METTL16: variants seen among roughly 807,000 people sequenced by gnomAD.
The protein encoded by METTL16 is methyltransferase 16, RNA N6-adenosine.
In METTL16, 19 loss-of-function variants were observed where a neutral mutation model predicts 57.9. The ratio of observed to expected loss-of-function variants is 0.33; its 90% confidence interval spans 0.23 to 0.48. METTL16 has a LOEUF of 0.48. Ranked by LOEUF, METTL16 falls within the 20% of genes least tolerant of loss-of-function variation. METTL16 has a pLI of 0.99. For missense variants in METTL16, 434 were observed against 691.5 expected, an observed-to-expected ratio of 0.63 and a Z score of 4.18; for synonymous variants, 246 against 255.6, an observed-to-expected ratio of 0.96 and a Z score of 0.36.
intron 6 of METTL16, among the ~76,000 whole-genome samples, chr17:2,450,643 C>T (rs1164700126): frequency 1.3e-5 from 2 of 152,118 alleles, no homozygotes; most frequent in Non-Finnish European, 2.9e-5. Flanking sequence ...TTAACCATAT[C>T]GTAACGTTTT....
intron 6 of METTL16, among the ~76,000 whole-genome samples, chr17:2,463,377 C>T (rs2067164623): frequency 6.6e-6 from 1 of 152,208 alleles, no homozygotes; most frequent in Non-Finnish European, 1.5e-5. Flanking sequence ...ACAGTAAACA[C>T]TAATCAATTA....
chr17:2,505,395 A>T (rs1053006658), intron 1 of METTL16, among the ~76,000 whole-genome samples: 22 of 50,590 alleles, frequency 4.3e-4, no homozygotes, highest in East Asian at 3.5e-3. Flanking sequence ...GCCCAGAGGC[A>T]TTTTTTTTTT....
chr17:2,467,965 A>G (rs2067213613), intron 4 of METTL16, 89 bp from the exon 5 acceptor site: 1 of 857,774 alleles, frequency 1.2e-6, no homozygotes, highest in Non-Finnish European at 2.0e-6. Flanking sequence ...TCTTTGGTCA[A>G]CTGCATATAT....
intron 8 of METTL16, among the ~76,000 whole-genome samples, chr17:2,428,865 T>C (rs544522547): frequency 1.3e-3 from 205 of 152,202 alleles, no homozygotes; most frequent in Non-Finnish European, 2.1e-3. Context: ...TATTTTACTT[T>C]TTTACTTTTT....
At chr17:2,440,970 C>CAAAAAAAAAAAAAAAAAAAAAAAA (rs760521188) in intron 7 of METTL16, among the ~76,000 whole-genome samples, 1 of 34,042 alleles carries the variant, frequency 2.9e-5, no homozygotes, top group African/African-American at 6.5e-5. Context: ...GACTTGATCT[C>CAAAAAAAAAAAAAAAAAAAAAAAA]AAAAAAAAAA....
chr17:2,487,682 A>T lies in METTL16; in HGVS notation c.129-9797T>A, dbSNP rs1319004614. ...TAAAGAGCTGCTTTGGTAGTGGTAG[A>T]GTTAGAAACCACTGTGGAATCAGCT... is the stretch of plus-strand genomic sequence containing the variant. On this transcript the variant is annotated intron_variant, in intron 2 of 9. Transcript: ENST00000263092. 2.0e-5 allele frequency among the ~76,000 whole-genome samples: 3 copies of T among 152,248 alleles called. No homozygotes were observed. In the South Asian group the frequency reaches 6.2e-4, roughly 32 times the overall value.
At chr17:2,451,004 C>A (rs1270329299) in intron 6 of METTL16, among the ~76,000 whole-genome samples, 1 of 152,072 alleles carries the variant, frequency 6.6e-6, no homozygotes, top group African/African-American at 2.4e-5. Flanking sequence ...AGGTCAAAAA[C>A]TATTGAAGAC....
chr17:2,451,220 G>A (rs1389126364), intron 6 of METTL16, among the ~76,000 whole-genome samples: 1 of 152,084 alleles, frequency 6.6e-6, no homozygotes, highest in Non-Finnish European at 1.5e-5. Flanking sequence ...AGAAATAATT[G>A]TTATAGCTAA....
intron 1 of METTL16, among the ~76,000 whole-genome samples, chr17:2,506,949 G>A (rs2067542809): frequency 1.3e-5 from 2 of 151,722 alleles, no homozygotes; most frequent in East Asian, 4.0e-4. Context: ...CGTCTGAGAA[G>A]TGAGGAGACC....
Position 2,424,943 on chromosome 17 carries a change from G to A in METTL16, c.889-4039C>T, listed in dbSNP as rs964954738. Among the ~76,000 whole-genome samples the A allele has an allele frequency of 1.1e-4, 17 of 149,386 alleles. No homozygotes were observed. The East Asian group carries it at 2.0e-3, about 17-fold the overall frequency. On this transcript the variant is annotated intron_variant, in intron 8 of 9. Coordinates refer to ENST00000263092, the MANE Select transcript of METTL16 (RefSeq NM_024086.4). Reference sequence around the variant, plus strand: ...AGCCTCGGTGACAGAGCGAGACTCCGTCTCAAAAAAAAAAAAAAAGACAGA... The same window carrying A: ...AGCCTCGGTGACAGAGCGAGACTCCATCTCAAAAAAAAAAAAAAAGACAGA...
At chr17:2,474,534 C>A (rs1353090703) in intron 3 of METTL16, among the ~76,000 whole-genome samples, 4 of 151,934 alleles carry the variant, frequency 2.6e-5, no homozygotes, top group Non-Finnish European at 5.9e-5. Flanking sequence ...AAGAGGCAAA[C>A]GCTCCATGCA....
intron 6 of METTL16, among the ~76,000 whole-genome samples, chr17:2,442,986 C>G (rs2066965240): frequency 6.6e-6 from 1 of 151,916 alleles, no homozygotes; most frequent in Non-Finnish European, 1.5e-5. Context: ...TGCCACCACG[C>G]CCAACTAATT....
rs76619946 is a variant in METTL16, at chr17:2,419,170, T to C, written c.*800A>G. 0.013 allele frequency: 2,013 copies of C among 155,474 alleles called. 49 individuals are homozygous for C. Among genetic ancestry groups the C allele is most frequent in the African/African-American group, 0.045 (1,865 of 41,570 alleles). 9.6% of individuals were successfully genotyped at this position (155,474 alleles called of 1,614,324 possible). On this transcript the variant is annotated 3_prime_UTR_variant, in exon 10 of 10. Transcript: ENST00000263092. ...TTCAAATAGGACCGCTGGTTTTTAA[T>C]TTGTGAATATTCTTATTTAAAAACA...
intron 6 of METTL16, among the ~76,000 whole-genome samples, chr17:2,461,350 G>A (rs1481773376): frequency 6.6e-6 from 1 of 152,072 alleles, no homozygotes; most frequent in East Asian, 1.9e-4. Context: ...GGGTGACAGA[G>A]TGAGACTCTG....
chr17:2,430,103 C>G (rs897368380), intron 8 of METTL16, among the ~76,000 whole-genome samples: 30 of 151,744 alleles, frequency 2.0e-4, no homozygotes, highest in African/African-American at 7.3e-4. Flanking sequence ...CATGAGCCAC[C>G]TGCCCACTTC....
chr17:2,465,904 A>G (rs2067191290), intron 5 of METTL16, among the ~76,000 whole-genome samples: 1 of 149,544 alleles, frequency 6.7e-6, no homozygotes, highest in South Asian at 2.1e-4. Context: ...GACAAATAAG[A>G]AGTGTTGACC....
At chr17:2,464,161 A>T in intron 6 of METTL16, 47 bp downstream of exon 6, 1 of 1,573,064 alleles carries the variant, frequency 6.4e-7, no homozygotes, top group Non-Finnish European at 8.6e-7. Context: ...GCGGGTAAAT[A>T]TTCCTGTGTT....
At chr17:2,495,112 G>A (rs1457464101) in intron 2 of METTL16, among the ~76,000 whole-genome samples, 1 of 151,464 alleles carries the variant, frequency 6.6e-6, no homozygotes, top group East Asian at 1.9e-4. Context: ...TACTTTCAGA[G>A]GTCGAGAGAG....
intron 8 of METTL16, among the ~76,000 whole-genome samples, chr17:2,434,221 C>G (rs905792964): frequency 6.6e-6 from 1 of 152,122 alleles, no homozygotes; most frequent in African/African-American, 2.4e-5. Context: ...TATTTTGAGA[C>G]CCAGTCTCAC....
Sources: allele counts gnomAD v4.1 joint callset (sites outside exome capture counted in the v4.1 genomes callset), GRCh38; gene constraint gnomAD v4.1.1; transcripts MANE v1.5; gene names NCBI Gene and HGNC (gene_info 2026-07-23, HGNC 2026-07-21).